SCIN: variants seen among roughly 807,000 people sequenced by gnomAD.
SCIN encodes the protein adseverin.
Under a neutral mutation model 91.8 loss-of-function variants are expected in SCIN, and 91 were observed. That is an observed-to-expected ratio of 0.99 (90% CI 0.84 to 1.18). The LOEUF is 1.18. SCIN is among the 50% of genes most tolerant of loss of function. The probability of loss-of-function intolerance (pLI) is 0.00; values close to 1 mark genes in which losing one functional copy is unlikely to be tolerated. For synonymous variants in SCIN, 367 were observed against 312.6 expected (o/e 1.17, Z -1.84); for missense variants, 1,087 against 863.9 (o/e 1.26, Z -3.24).
At chr7:12,650,717 A>G (rs1048018640) in intron 14 of SCIN, among the ~76,000 whole-genome samples, 3 of 152,234 alleles carry the variant, frequency 2.0e-5, no homozygotes, top group African/African-American at 7.2e-5. Flanking sequence ...AAGGAGGAGG[A>G]TATATACAGA....
intron 10 of SCIN, 64 bp from the exon 11 acceptor site, chr7:12,640,283 A>T: frequency 7.3e-7 from 1 of 1,363,192 alleles, no homozygotes; most frequent in Non-Finnish European, 9.7e-7. Context: ...ACACATTTGG[A>T]ACTAAAACCT....
rs35385652 is a variant in SCIN at position 12,636,065 on chromosome 7, G to A, written c.1340G>A (p.Arg447Gln). ...TCTAGGCAAGGAGCAAATGCCACAC[G>A]AGATGAGCTGACAACATCTGCGTTC... Reference protein sequence around the residue: ...IYTWQGANATRDELTTSAFLT... With the variant: ...IYTWQGANATQDELTTSAFLT... Residue 447 changes from arginine to glutamine, a missense_variant, in exon 10 of 16, where the codon CGA (arginine) becomes CAA (glutamine). Arg to Gln is a conservative substitution (Grantham distance 43). Transcript: ENST00000297029. 67,956 of 1,610,716 alleles carry A rather than the reference G, an allele frequency of 0.042. 1,664 individuals are homozygous for A. The highest frequency in any genetic ancestry group is 0.056 in the Middle Eastern group (340 of 6,058).
chr7:12,610,321 T>TAGTGAAG (rs1783165227), intron 4 of SCIN, among the ~76,000 whole-genome samples: 1 of 152,184 alleles, frequency 6.6e-6, no homozygotes, highest in Non-Finnish European at 1.5e-5. Flanking sequence ...TAGAGTTGAA[T>TAGTGAAG]AGTGAAGATA....
At chr7:12,584,516 C>A (rs1333846437) in intron 3 of SCIN, among the ~76,000 whole-genome samples, 2 of 152,046 alleles carry the variant, frequency 1.3e-5, no homozygotes, top group African/African-American at 4.8e-5. Context: ...AGTAAATATT[C>A]CCGGACATTA....
At chr7:12,575,872 G>A (rs763096390) in intron 1 of SCIN, among the ~76,000 whole-genome samples, 2 of 152,038 alleles carry the variant, frequency 1.3e-5, no homozygotes, top group South Asian at 2.1e-4. Flanking sequence ...TCTAATTTTC[G>A]CATCCAAAGG....
At chr7:12,646,698 T>A (rs1332249151) in intron 13 of SCIN, among the ~76,000 whole-genome samples, 2 of 152,218 alleles carry the variant, frequency 1.3e-5, no homozygotes, top group African/African-American at 4.8e-5. Flanking sequence ...TTCTTTTATA[T>A]AAAATTTGAT....
rs1583330452 is a variant in SCIN at position 12,657,558 on chromosome 7, A to G, written c.*4843A>G. Reference sequence around the variant, plus strand: ...TGTGTGTATATATATATATATATATATATATATATATATATTTTTTTTTTT... The same window carrying G: ...TGTGTGTATATATATATATATATATGTATATATATATATATTTTTTTTTTT... On this transcript the variant is annotated 3_prime_UTR_variant, in exon 16 of 16. Transcript: ENST00000297029. 2.6e-4 allele frequency: 5 copies of G among 19,080 alleles called. No individual in the cohort carries two copies. The highest frequency in any genetic ancestry group is 1.5e-3 in the Admixed American group (2 of 1,310). 1.2% of individuals were successfully genotyped at this position (19,080 alleles called of 1,614,324 possible).
rs6942564 is a variant in SCIN at position 12,582,576 on chromosome 7, G to T, written c.516+1355G>T. Among the ~76,000 whole-genome samples, 500 of 151,514 alleles carry T rather than the reference G, an allele frequency of 3.3e-3. 2 individuals carry two copies. Among genetic ancestry groups the T allele is most frequent in the African/African-American group, 0.011 (468 of 41,260 alleles). Reference sequence around the variant, plus strand: ...CAAAGTACAATTCTTAATATTACACGTAGACATCTACACCCTAAATGGCAG... The same window carrying T: ...CAAAGTACAATTCTTAATATTACACTTAGACATCTACACCCTAAATGGCAG... On this transcript the variant is annotated intron_variant, in intron 3 of 15. Coordinates refer to ENST00000297029, the MANE Select transcript of SCIN (RefSeq NM_001112706.3).
At chr7:12,623,303 T>C (rs1472565814) in intron 5 of SCIN, among the ~76,000 whole-genome samples, 1 of 152,128 alleles carries the variant, frequency 6.6e-6, no homozygotes, top group East Asian at 1.9e-4. Context: ...ATGAAGGAGT[T>C]CTTTGTTACA....
In SCIN at chr7:12,640,889, C is replaced by T. The variant is rs2072264; in HGVS notation, c.1581+372C>T. Among the ~76,000 whole-genome samples, 190 of 152,238 alleles carry T rather than the reference C, an allele frequency of 1.2e-3. No homozygotes were observed. The East Asian group carries it at 0.032, about 26-fold the overall frequency. ...GGAGACATTTGAGAGGGAAGGCCCT[C>T]GTTTGCCCAAGTGTAACAAATATGG... On this transcript the variant is annotated intron_variant, in intron 11 of 15. Transcript: ENST00000297029.
Position 12,644,630 on chromosome 7 carries a change from A to C in SCIN, c.1806A>C (p.Ser602=), listed in dbSNP as rs767954498. ...GAGGGAAAAAAGACTACCAGACCTC[A>C]CCACTACTGGAAACCCAGGCTGAAG... is the stretch of plus-strand genomic sequence containing the variant. ...SLGGKKDYQT[S]PLLETQAEDH... Residue 602 remains serine (S), a synonymous_variant, in exon 13 of 16, where the codon TCA becomes TCC. Coordinates refer to ENST00000297029, the MANE Select transcript of SCIN (RefSeq NM_001112706.3). 6.2e-7 allele frequency: 1 copy of C among 1,606,518 alleles called. No individual in the cohort carries two copies. The highest frequency in any genetic ancestry group is 8.5e-7 in the Non-Finnish European group (1 of 1,176,454).
intron 8 of SCIN, among the ~76,000 whole-genome samples, chr7:12,628,883 T>C (rs1204788175): frequency 1.3e-5 from 2 of 152,168 alleles, no homozygotes; most frequent in Non-Finnish European, 2.9e-5. Context: ...GGAACTGAGC[T>C]TAATACTGTA....
At chr7:12,608,272 A>C (rs1385410512) in intron 4 of SCIN, among the ~76,000 whole-genome samples, 1 of 151,944 alleles carries the variant, frequency 6.6e-6, no homozygotes, top group Non-Finnish European at 1.5e-5. Context: ...AAGGGAACTA[A>C]TAGGTTTCAG....
chr7:12,584,596 A>T (rs578162340), intron 3 of SCIN, among the ~76,000 whole-genome samples: 149 of 152,346 alleles, frequency 9.8e-4, no homozygotes, highest in South Asian at 4.6e-3. Flanking sequence ...AAAGTGAAGA[A>T]CATCATCAAT....
chr7:12,596,373 G>A, intron 3 of SCIN: 2 of 455,422 alleles, frequency 4.4e-6, no homozygotes, highest in Non-Finnish European at 4.4e-6. Flanking sequence ...TGCAATAGGT[G>A]TGGACCATCA....
chr7:12,604,795 A>G (rs1783038851), intron 4 of SCIN, 132 bp downstream of exon 4: 2 of 711,474 alleles, frequency 2.8e-6, no homozygotes, highest in African/African-American at 3.6e-5. Context: ...TTCAATAGTG[A>G]GCCTAGCTAC....
rs750738162 is a variant in SCIN at position 12,629,168 on chromosome 7, G to A, written c.1265G>A (p.Gly422Asp). The stretch of plus-strand genomic sequence containing the variant: ...AACTCATATGGTGAATTCTATGGTG[G>A]TGACTGCTACATCATACTCTACACC... ...DQNSYGEFYGGDCYIILYTYP... is the reference protein window; with the variant it reads ...DQNSYGEFYGDDCYIILYTYP... The change falls in exon 9 of 16, where the codon GGT becomes GAT. Residue 422 changes from glycine to aspartate, a missense_variant. Coordinates refer to ENST00000297029, the MANE Select transcript of SCIN (RefSeq NM_001112706.3). The A allele has an allele frequency of 3.7e-6, 6 of 1,612,958 alleles. No homozygotes were observed. Among genetic ancestry groups the A allele is most frequent in the African/African-American group, 1.3e-5 (1 of 74,858 alleles).
chr7:12,628,473 G>A (rs1783575618), intron 8 of SCIN, among the ~76,000 whole-genome samples: 1 of 152,138 alleles, frequency 6.6e-6, no homozygotes, highest in Non-Finnish European at 1.5e-5. Flanking sequence ...TGGTGGAAAA[G>A]GAGCTAGAGA....
intron 3 of SCIN, among the ~76,000 whole-genome samples, chr7:12,581,744 T>C (rs11983855): frequency 0.037 from 5,642 of 152,306 alleles, 368 homozygotes; most frequent in African/African-American, 0.13. Context: ...GGCAATGGTA[T>C]ATTATATCTG....
Sources: gnomAD v4.1 joint callset for allele counts (sites outside exome capture counted in the v4.1 genomes callset) on GRCh38, gnomAD v4.1.1 for gene constraint, MANE v1.5 for transcripts, NCBI Gene and HGNC (gene_info 2026-07-23, HGNC 2026-07-21) for gene names.